The following PLPP3 variants were observed in gnomAD, a reference collection of about 807,000 sequenced individuals.
PLPP3 encodes the protein phospholipid phosphatase 3.
In PLPP3, 6 loss-of-function variants were observed where a neutral mutation model predicts 29.6. The observed-to-expected ratio is 0.20, with a 90% CI of 0.11 to 0.40. PLPP3 has a LOEUF of 0.40. PLPP3 is among the 10% of genes least tolerant of loss of function. The pLI is 1.00. For synonymous variants in PLPP3, 152 were observed against 159.7 expected, an observed-to-expected ratio of 0.95 and a Z score of 0.36; for missense variants, 308 against 407.7, an observed-to-expected ratio of 0.76 and a Z score of 2.11.
intron 1 of PLPP3, among the ~76,000 whole-genome samples, chr1:56,550,600 G>A (rs952923773): frequency 2.6e-5 from 4 of 152,112 alleles, no homozygotes; most frequent in African/African-American, 9.7e-5. Context: ...AGAGGGTTGC[G>A]AAGCCCAAGG....
Position 56,557,026 on chromosome 1 carries a change from A to AGAGAAAGAGAGAG in PLPP3, c.140-19915_140-19914insCTCTCTCTTTCTC, listed in dbSNP as rs1646085318. ...AGAAAGAAAGAGAGAGAGAGAGAGA[A>AGAGAAAGAGAGAG]AGAGAGAGAGAGAGAGAGAGAGAGA... On this transcript the variant is annotated intron_variant, in intron 1 of 5. Coordinates refer to ENST00000371250, the MANE Select transcript of PLPP3 (RefSeq NM_003713.5). Among the ~76,000 whole-genome samples, 6 of 9,524 alleles carry AGAGAAAGAGAGAG rather than the reference A, an allele frequency of 6.3e-4. 2 individuals are homozygous for AGAGAAAGAGAGAG. Among genetic ancestry groups the AGAGAAAGAGAGAG allele is most frequent in the African/African-American group, 1.5e-3 (6 of 4,020 alleles). The allele number at this position is 9,524 out of a possible 152,430, so 6.2% of individuals were successfully genotyped here. A position where few individuals can be genotyped will look rare whatever the true frequency, so the allele number is the denominator to read the frequency against.
At chr1:56,548,360 G>A (rs1646018514) in intron 1 of PLPP3, among the ~76,000 whole-genome samples, 1 of 152,168 alleles carries the variant, frequency 6.6e-6, no homozygotes. Context: ...TTGACCTTCT[G>A]CCTAAACACT....
At chr1:56,517,575 A>G (rs181705472) in intron 4 of PLPP3, among the ~76,000 whole-genome samples, 4 of 152,340 alleles carry the variant, frequency 2.6e-5, no homozygotes, top group African/African-American at 9.6e-5. Flanking sequence ...GGCTAAAAGA[A>G]GCCACAGTAC....
chr1:56,496,450 A>G lies in PLPP3; in HGVS notation c.*101T>C, dbSNP rs919266365. 31 of 1,419,912 alleles carry G rather than the reference A, an allele frequency of 2.2e-5. No homozygotes were observed. The African/African-American group carries it at 4.5e-4, about 20-fold the overall frequency. The allele number at this position is 1,419,912 out of a possible 1,614,324, so 88.0% of individuals were successfully genotyped here. A position where few individuals can be genotyped will look rare whatever the true frequency, so the allele number is the denominator to read the frequency against. On this transcript the variant is annotated 3_prime_UTR_variant, in exon 6 of 6. Transcript: ENST00000371250. ...TTCCTTTTTAAAAATCAGTCGGGCA[A>G]AAGTTTTTCCCTACATTCTACTGTC...
At chr1:56,577,999 C>G (rs1646247807) in intron 1 of PLPP3, among the ~76,000 whole-genome samples, 1 of 152,132 alleles carries the variant, frequency 6.6e-6, no homozygotes, top group Non-Finnish European at 1.5e-5. Context: ...TTCTCCCTCC[C>G]CTACCGAGTT....
chr1:56,533,310 C>T (rs531310363), intron 2 of PLPP3, among the ~76,000 whole-genome samples: 1 of 152,268 alleles, frequency 6.6e-6, no homozygotes, highest in African/African-American at 2.4e-5. Flanking sequence ...CTGCCTTGGC[C>T]TATGACAGTT....
chr1:56,536,358 A>G (rs1343165862), intron 2 of PLPP3, among the ~76,000 whole-genome samples: 1 of 152,176 alleles, frequency 6.6e-6, no homozygotes, highest in Non-Finnish European at 1.5e-5. Context: ...GTCCACCTTT[A>G]AGAAACTACT....
intron 4 of PLPP3, among the ~76,000 whole-genome samples, chr1:56,520,421 G>A (rs1478118552): frequency 1.3e-5 from 2 of 152,128 alleles, no homozygotes; most frequent in Admixed American, 6.5e-5. Context: ...GGTACACCGG[G>A]GAGTCCAGTC....
chr1:56,531,446 C>G (rs961417997), intron 2 of PLPP3, among the ~76,000 whole-genome samples: 1 of 152,206 alleles, frequency 6.6e-6, no homozygotes, highest in African/African-American at 2.4e-5. Flanking sequence ...TACCACAAAG[C>G]CTGCTTGCTA....
At position 56,509,853 on chromosome 1, in the gene PLPP3, A is replaced by AAAAAAT. The variant is rs377448398; in HGVS notation, c.810+2122_810+2123insATTTTT. On this transcript the variant is annotated intron_variant, in intron 5 of 5. Transcript: ENST00000371250. ...CTCTCAAAAAAAAAAAAAAAAAAAAAGGAAGACAATGGGTAAAGTATCAGA... is the reference window on the plus strand; with the variant it reads ...CTCTCAAAAAAAAAAAAAAAAAAAAAAAAAATGGAAGACAATGGGTAAAGTATCAGA... Among the ~76,000 whole-genome samples, 116 of 139,298 alleles carry AAAAAAT rather than the reference A, an allele frequency of 8.3e-4. 3 individuals are homozygous for AAAAAAT. The highest frequency in any genetic ancestry group is 4.1e-3 in the Middle Eastern group (1 of 246). The allele number at this position is 139,298 out of a possible 152,430, so 91.4% of individuals were successfully genotyped here. A position where few individuals can be genotyped will look rare whatever the true frequency, so the allele number is the denominator to read the frequency against.
chr1:56,499,080 C>A (rs61340460), intron 5 of PLPP3, among the ~76,000 whole-genome samples: 4 of 131,174 alleles, frequency 3.0e-5, no homozygotes, highest in South Asian at 2.5e-4. Context: ...CCGTCCCCCC[C>A]CCCCACCTTC....
intron 1 of PLPP3, among the ~76,000 whole-genome samples, chr1:56,577,986 GCT>G (rs1646247664): frequency 6.6e-6 from 1 of 151,116 alleles, no homozygotes; most frequent in Non-Finnish European, 1.5e-5. Context: ...CTTGTGAAGC[GCT>G]TTCTCCCTCC....
chr1:56,572,720 A>T (rs912793124), intron 1 of PLPP3, among the ~76,000 whole-genome samples: 1 of 152,148 alleles, frequency 6.6e-6, no homozygotes, highest in African/African-American at 2.4e-5. Context: ...ATTTTATAGA[A>T]CCATTGAGGA....
At chr1:56,501,268 A>G (rs932983230) in intron 5 of PLPP3, among the ~76,000 whole-genome samples, 6 of 151,998 alleles carry the variant, frequency 3.9e-5, no homozygotes, top group Non-Finnish European at 8.8e-5. Flanking sequence ...TCTGTTTTCA[A>G]CTCTAGAAAT....
intron 1 of PLPP3, among the ~76,000 whole-genome samples, chr1:56,549,638 T>C (rs1462716295): frequency 6.6e-6 from 1 of 152,226 alleles, no homozygotes; most frequent in African/African-American, 2.4e-5. Flanking sequence ...GGGGCTTCAC[T>C]ACCTACCTTT....
At chr1:56,571,808 G>A (rs754970448) in intron 1 of PLPP3, among the ~76,000 whole-genome samples, 2 of 152,120 alleles carry the variant, frequency 1.3e-5, no homozygotes, top group Non-Finnish European at 2.9e-5. Context: ...GGGGCAGCAA[G>A]GTAACCTGAC....
chr1:56,531,028 G>A (rs1645884281), intron 2 of PLPP3, among the ~76,000 whole-genome samples: 1 of 152,126 alleles, frequency 6.6e-6, no homozygotes, highest in Admixed American at 6.5e-5. Context: ...GTACAACTGA[G>A]CTCTCTAAGT....
At chr1:56,508,669 A>G (rs1285042337) in intron 5 of PLPP3, among the ~76,000 whole-genome samples, 1 of 152,144 alleles carries the variant, frequency 6.6e-6, no homozygotes, top group Admixed American at 6.5e-5. Context: ...GTCATGTGGC[A>G]CAAGCAGAGC....
At chr1:56,548,660 C>G (rs76294340) in intron 1 of PLPP3, among the ~76,000 whole-genome samples, 8,324 of 152,130 alleles carry the variant, frequency 0.055, 323 homozygotes, top group Non-Finnish European at 0.085. Context: ...TCTCTGCCCC[C>G]CTAAAAATGC....
Sources: allele counts gnomAD v4.1 joint callset (sites outside exome capture counted in the v4.1 genomes callset), GRCh38; gene constraint gnomAD v4.1.1; transcripts MANE v1.5; gene names NCBI Gene and HGNC (gene_info 2026-07-23, HGNC 2026-07-21).